SLC6A15: variants seen among roughly 807,000 people sequenced by gnomAD.
SLC6A15 encodes solute carrier family 6 member 15.
Under a neutral mutation model 68.5 loss-of-function variants are expected in SLC6A15, and 33 were observed. The ratio of observed to expected loss-of-function variants is 0.48; its 90% confidence interval spans 0.37 to 0.64. The LOEUF is 0.64. Among genes scored for constraint, SLC6A15 ranks in the 30% least tolerant of loss-of-function variants. SLC6A15 has a pLI of 0.00. For synonymous variants in SLC6A15, 347 were observed against 301.0 expected (o/e 1.15, Z -1.58); for missense variants, 747 against 874.3 (o/e 0.85, Z 1.84).
At chr12:84,891,706 G>A (rs1225099626) in intron 2 of SLC6A15, 126 bp downstream of exon 2, 1 of 997,192 alleles carries the variant, frequency 1.0e-6, no homozygotes, top group Non-Finnish European at 1.4e-6. Context: ...CAAAGAAGTG[G>A]GTTTCTCTAG....
chr12:84,911,885 C>A (rs1261605388), intron 1 of SLC6A15: 1 of 152,290 alleles, frequency 6.6e-6, no homozygotes, highest in African/African-American at 2.4e-5. Flanking sequence ...CCAGCAGCCA[C>A]GTGCCTTTCG....
intron 7 of SLC6A15, 44 bp downstream of exon 7, chr12:84,873,043 G>C: frequency 6.3e-7 from 1 of 1,587,996 alleles, no homozygotes; most frequent in African/African-American, 1.4e-5. Context: ...TAAATAACAA[G>C]ATAAAAACTA....
intron 1 of SLC6A15, among the ~76,000 whole-genome samples, chr12:84,897,704 T>A (rs1352824215): frequency 6.6e-6 from 1 of 152,172 alleles, no homozygotes; most frequent in Non-Finnish European, 1.5e-5. Context: ...TTAATTTGTA[T>A]TCCGATTATA....
chr12:84,861,446 C>T lies in SLC6A15; in HGVS notation c.*186G>A, dbSNP rs945078160. On this transcript the variant is annotated 3_prime_UTR_variant, in exon 12 of 12. Coordinates refer to ENST00000266682, the MANE Select transcript of SLC6A15 (RefSeq NM_182767.6). ...AGATTTGTCTGCAATCCTTTCTGCA[C>T]AAATGTAAACCAAAGAATCCAAAAG... 1.7e-5 allele frequency: 10 copies of T among 604,508 alleles called. No individual in the cohort carries two copies. The highest frequency in any genetic ancestry group is 2.4e-5 in the Non-Finnish European group (9 of 380,750). The allele number at this position is 604,508 out of a possible 1,614,324, so 37.4% of individuals were successfully genotyped here. A position where few individuals can be genotyped will look rare whatever the true frequency, so the allele number is the denominator to read the frequency against.
intron 1 of SLC6A15, among the ~76,000 whole-genome samples, chr12:84,899,609 TC>T (rs1365548495): frequency 6.6e-6 from 1 of 152,156 alleles, no homozygotes; most frequent in African/African-American, 2.4e-5. Context: ...TTGCCTCTTA[TC>T]CAGCATCACT....
At chr12:84,871,276 C>CT (rs1310749318) in intron 8 of SLC6A15, among the ~76,000 whole-genome samples, 10 of 149,858 alleles carry the variant, frequency 6.7e-5, no homozygotes, top group Non-Finnish European at 1.3e-4. Flanking sequence ...ACATCTTTAC[C>CT]TTTTTTTACT....
At chr12:84,878,960 C>T (rs1871690017) in intron 5 of SLC6A15, among the ~76,000 whole-genome samples, 2 of 151,896 alleles carry the variant, frequency 1.3e-5, no homozygotes, top group Admixed American at 6.6e-5. Flanking sequence ...TCACAGTTGC[C>T]AGAGCGATCT....
At chr12:84,875,693 TATATATGAG>T (rs1248976942) in intron 6 of SLC6A15, among the ~76,000 whole-genome samples, 126 of 7,500 alleles carry the variant, frequency 0.017, 16 homozygotes, top group Non-Finnish European at 0.025. Flanking sequence ...TATATATATA[TATATATGAG>T]AATCAAAAAC....
chr12:84,862,950 C>G (rs540822516), intron 11 of SLC6A15, among the ~76,000 whole-genome samples: 4 of 151,960 alleles, frequency 2.6e-5, no homozygotes, highest in Non-Finnish European at 5.9e-5. Flanking sequence ...CTACCATGCC[C>G]AGCTAATTTT....
chr12:84,887,724 AGAAAGAATTATGACT>A (rs1300745917), intron 2 of SLC6A15, among the ~76,000 whole-genome samples: 2 of 152,302 alleles, frequency 1.3e-5, no homozygotes, highest in East Asian at 3.9e-4. Context: ...AAAGAGAGAG[AGAAAGAATTATGACT>A]GAACTCATTA....
chr12:84,879,667 T>C (rs1186740874), intron 5 of SLC6A15, among the ~76,000 whole-genome samples: 5 of 151,896 alleles, frequency 3.3e-5, no homozygotes, highest in Non-Finnish European at 7.4e-5. Flanking sequence ...CCACTTAGTA[T>C]GTTCTAATCA....
At chr12:84,864,878 C>T (rs1399383871) in intron 10 of SLC6A15, among the ~76,000 whole-genome samples, 1 of 152,022 alleles carries the variant, frequency 6.6e-6, no homozygotes, top group African/African-American at 2.4e-5. Context: ...GAACCATAAA[C>T]AATGGATGCT....
At chr12:84,885,761 T>C (rs1325504343) in intron 3 of SLC6A15, 150 bp downstream of exon 3, 9 of 962,140 alleles carry the variant, frequency 9.4e-6, no homozygotes, top group African/African-American at 1.7e-5. Flanking sequence ...TATATTAATA[T>C]TTATAGTTAA....
intron 1 of SLC6A15, among the ~76,000 whole-genome samples, chr12:84,905,237 C>G (rs1438305033): frequency 1.3e-5 from 2 of 152,082 alleles, no homozygotes; most frequent in Non-Finnish European, 2.9e-5. Context: ...AGGGTTTATT[C>G]TAAGTATTCA....
At position 84,872,802 on chromosome 12, in the gene SLC6A15, A is replaced by G. The variant is rs2120576827; in HGVS notation, c.1110-8T>C. 6.3e-7 allele frequency: 1 copy of G among 1,592,720 alleles called. No individual in the cohort carries two copies. On this transcript the variant is annotated splice_polypyrimidine_tract_variant and splice_region_variant and intron_variant, in intron 7 of 11. Transcript: ENST00000266682. ...ATGATCGTCTCTGAATTTCTGAAAAATAAAACAACATACAAATGAGCACAT... is the reference window on the plus strand; with the variant it reads ...ATGATCGTCTCTGAATTTCTGAAAAGTAAAACAACATACAAATGAGCACAT...
chr12:84,892,103 C>T lies in SLC6A15; in HGVS notation c.18G>A (p.Lys6=). 1 of 1,609,038 alleles carries T rather than the reference C, an allele frequency of 6.2e-7. No homozygotes were observed. Among genetic ancestry groups the T allele is most frequent in the African/African-American group, 1.4e-5 (1 of 73,822 alleles). Residue 6 remains lysine, a synonymous_variant, in exon 2 of 12, where the codon AAG becomes AAA. Transcript: ENST00000266682. MPKNS[K]VVKRELDDDV... is the part of the protein sequence containing the mutation. ...CATCATCTAATTCTCTTTTTACCAC[C>T]TTGCTATTTTTGGGCATTGGAGAGT... is the stretch of plus-strand genomic sequence containing the variant.
At chr12:84,898,606 T>C (rs1040354121) in intron 1 of SLC6A15, among the ~76,000 whole-genome samples, 3 of 152,190 alleles carry the variant, frequency 2.0e-5, no homozygotes, top group Non-Finnish European at 4.4e-5. Flanking sequence ...GTTTCTTCAT[T>C]TATAAAATGA....
chr12:84,891,453 TTC>T (rs1238633965), intron 2 of SLC6A15, among the ~76,000 whole-genome samples: 4 of 152,140 alleles, frequency 2.6e-5, no homozygotes, highest in African/African-American at 7.2e-5. Flanking sequence ...GGAGAGAAAA[TTC>T]TCTGTTTTCC....
intron 10 of SLC6A15, 42 bp downstream of exon 10, chr12:84,866,992 A>G: frequency 1.4e-6 from 2 of 1,394,336 alleles, no homozygotes; most frequent in East Asian, 2.6e-5. Flanking sequence ...ATGTTTTCAA[A>G]CTAGAGATTA....
Sources: gnomAD v4.1 joint callset for allele counts (sites outside exome capture counted in the v4.1 genomes callset) on GRCh38, gnomAD v4.1.1 for gene constraint, MANE v1.5 for transcripts, NCBI Gene and HGNC (gene_info 2026-07-23, HGNC 2026-07-21) for gene names.